TRAPPC9: variants seen among roughly 807,000 people sequenced by gnomAD.
The protein encoded by TRAPPC9 is IKK2 binding protein.
TRAPPC9 carries 83 observed loss-of-function variants against 124.0 expected under a neutral mutation model. The observed-to-expected ratio is 0.67, with a 90% CI of 0.56 to 0.80. TRAPPC9 has a LOEUF of 0.80. TRAPPC9 is among the 30% of genes least tolerant of loss of function. TRAPPC9 has a pLI of 0.00. For missense variants in TRAPPC9, 1,302 were observed against 1,508.3 expected, an observed-to-expected ratio of 0.86 and a Z score of 2.27; for synonymous variants, 638 against 617.5, an observed-to-expected ratio of 1.03 and a Z score of -0.49.
At chr8:139,923,854 A>T (rs1328316654) in intron 19 of TRAPPC9, among the ~76,000 whole-genome samples, 2 of 152,224 alleles carry the variant, frequency 1.3e-5, no homozygotes, top group Non-Finnish European at 2.9e-5. Context: ...AAATGCCTCA[A>T]TCATATTGAA....
chr8:140,399,382 C>T (rs527912003), intron 6 of TRAPPC9, among the ~76,000 whole-genome samples: 1 of 152,206 alleles, frequency 6.6e-6, no homozygotes, highest in South Asian at 2.1e-4. Context: ...ACACTCAATG[C>T]CAGCCCATGA....
At chr8:140,272,414 ATGGTGATGG>A (rs200029176) in intron 15 of TRAPPC9, among the ~76,000 whole-genome samples, 1,402 of 107,658 alleles carry the variant, frequency 0.013, 17 homozygotes, top group African/African-American at 0.038. Flanking sequence ...GATAATGGTG[ATGGTGATGG>A]TGGTGATGGT....
intron 7 of TRAPPC9, among the ~76,000 whole-genome samples, chr8:140,374,094 G>C (rs73356434): frequency 0.032 from 4,932 of 152,228 alleles, 263 homozygotes; most frequent in African/African-American, 0.11. Context: ...CTTTGCCCGA[G>C]GTCACAAAGA....
At chr8:140,021,452 T>C (rs114737430) in intron 18 of TRAPPC9, among the ~76,000 whole-genome samples, 226 of 152,360 alleles carry the variant, frequency 1.5e-3, no homozygotes, top group African/African-American at 4.3e-3. Flanking sequence ...AATGTTCTTA[T>C]TTCTTTAAGT....
chr8:139,984,397 C>T lies in TRAPPC9; in HGVS notation c.2810+4329G>A, dbSNP rs1837106235. On this transcript the variant is annotated intron_variant, in intron 19 of 22. Transcript: ENST00000438773. This position sits in a 1 kb window ranked among gnomAD's most constrained non-coding sequence, Gnocchi z 4.3. ...GGCAGAGCCCATGCCCTCCCCACTCCAGAGGGCAGATCGCAGGCAAAAGAA... is the reference window on the plus strand; with the variant it reads ...GGCAGAGCCCATGCCCTCCCCACTCTAGAGGGCAGATCGCAGGCAAAAGAA... Among the ~76,000 whole-genome samples, 1 of 151,992 alleles carries T rather than the reference C, an allele frequency of 6.6e-6. No homozygotes were observed. The highest frequency in any genetic ancestry group is 1.5e-5 in the Non-Finnish European group (1 of 68,004).
intron 19 of TRAPPC9, among the ~76,000 whole-genome samples, chr8:139,983,334 C>T (rs1230001169): frequency 6.6e-6 from 1 of 152,168 alleles, no homozygotes; most frequent in Non-Finnish European, 1.5e-5. Flanking sequence ...ATAAGCCACC[C>T]AGTCTATGGT....
chr8:139,995,357 C>T (rs1367268982), intron 18 of TRAPPC9, among the ~76,000 whole-genome samples: 1 of 152,092 alleles, frequency 6.6e-6, no homozygotes, highest in African/African-American at 2.4e-5. Context: ...CTTTTTTCTT[C>T]CCTTTTCTCC....
At chr8:140,446,791 C>A (rs2071276050) in intron 2 of TRAPPC9, among the ~76,000 whole-genome samples, 1 of 152,056 alleles carries the variant, frequency 6.6e-6, no homozygotes, top group Admixed American at 6.6e-5. Context: ...CTCCGCCTTC[C>A]AAAGTGCTGG....
intron 5 of TRAPPC9, among the ~76,000 whole-genome samples, chr8:140,410,141 CAAAAAAAA>C (rs61149910): frequency 1.1e-4 from 8 of 70,228 alleles, no homozygotes; most frequent in East Asian, 8.8e-4. Flanking sequence ...ACCTTGTCTC[CAAAAAAAA>C]AAAAAAAAAA....
At chr8:140,163,528 C>T (rs868005882) in intron 17 of TRAPPC9, among the ~76,000 whole-genome samples, 6 of 152,134 alleles carry the variant, frequency 3.9e-5, no homozygotes, top group Middle Eastern at 3.2e-3. Flanking sequence ...CTGAATGAAG[C>T]GCTGAATGAA....
intron 10 of TRAPPC9, among the ~76,000 whole-genome samples, chr8:140,308,880 CA>C (rs148819407): frequency 1.7e-3 from 216 of 130,336 alleles, no homozygotes; most frequent in Middle Eastern, 3.8e-3. Flanking sequence ...GATTACAACT[CA>C]AAAAAAAAAA....
At chr8:139,980,312 C>T (rs1464316029) in intron 19 of TRAPPC9, among the ~76,000 whole-genome samples, 1 of 152,300 alleles carries the variant, frequency 6.6e-6, no homozygotes, top group East Asian at 1.9e-4. Context: ...TCACTCCTGA[C>T]CAATGCCAGG....
At chr8:140,357,009 C>T (rs1039817560) in intron 9 of TRAPPC9, among the ~76,000 whole-genome samples, 4 of 152,198 alleles carry the variant, frequency 2.6e-5, no homozygotes, top group Admixed American at 6.5e-5. Context: ...ATCACTCACA[C>T]CTCAGCAGCC....
intron 18 of TRAPPC9, among the ~76,000 whole-genome samples, chr8:140,019,095 T>C (rs1839660854): frequency 6.6e-6 from 1 of 152,264 alleles, no homozygotes; most frequent in Non-Finnish European, 1.5e-5. Flanking sequence ...TCTGCTAACA[T>C]GACAAATTCT....
intron 7 of TRAPPC9, among the ~76,000 whole-genome samples, chr8:140,391,146 C>A (rs1030657957): frequency 2.6e-5 from 4 of 152,134 alleles, no homozygotes; most frequent in African/African-American, 7.2e-5. Flanking sequence ...GAGTAGCCTG[C>A]ATAAAATTTG....
chr8:140,440,115 G>A (rs1415594960), intron 2 of TRAPPC9, among the ~76,000 whole-genome samples: 1 of 152,190 alleles, frequency 6.6e-6, no homozygotes, highest in Non-Finnish European at 1.5e-5. Context: ...ACGTAAGGCA[G>A]ACGCAGAAAG....
intron 17 of TRAPPC9, among the ~76,000 whole-genome samples, chr8:140,115,414 C>T (rs988957103): frequency 2.0e-5 from 3 of 151,960 alleles, no homozygotes; most frequent in Non-Finnish European, 4.4e-5. Context: ...TTACAGGTTC[C>T]TGACACCACA....
intron 21 of TRAPPC9, among the ~76,000 whole-genome samples, chr8:139,858,938 G>A: frequency 6.8e-6 from 1 of 147,118 alleles, no homozygotes; most frequent in East Asian, 2.0e-4. Context: ...CCATCTAGAA[G>A]CCGTCTCCTC....
rs562913665 is a variant in TRAPPC9, at chr8:140,169,018, C to T, written c.2556+52441G>A. On this transcript the variant is annotated intron_variant, in intron 17 of 22. Coordinates refer to ENST00000438773, the MANE Select transcript of TRAPPC9 (RefSeq NM_001160372.4). ...TGACACAAACTGTTTTCGAGGGGCT[C>T]GCGGTCCCCTGGAAGGACAGGCAGA... is the stretch of plus-strand genomic sequence containing the variant. Among the ~76,000 whole-genome samples the T allele has an allele frequency of 2.7e-5, 4 of 150,860 alleles. No homozygotes were observed. The East Asian group carries it at 7.7e-4, about 29-fold the overall frequency.
Sources: allele counts gnomAD v4.1 joint callset (sites outside exome capture counted in the v4.1 genomes callset), GRCh38; gene constraint gnomAD v4.1.1; non-coding constraint Gnocchi (gnomAD v3.1); transcripts MANE v1.5; gene names NCBI Gene and HGNC (gene_info 2026-07-23, HGNC 2026-07-21).